The following ZSCAN18 variants were observed in gnomAD, a reference collection of about 807,000 sequenced individuals.
The protein encoded by ZSCAN18 is zinc finger and SCAN domain containing 18.
A neutral mutation model predicts 31.1 loss-of-function variants in ZSCAN18; 16 were observed. The observed-to-expected ratio is 0.51, with a 90% CI of 0.35 to 0.78. The LOEUF is 0.78. ZSCAN18 is among the 30% of genes least tolerant of loss of function. The probability of loss-of-function intolerance (pLI) is 0.01; values close to 1 mark genes in which losing one functional copy is unlikely to be tolerated. For missense variants in ZSCAN18, 731 were observed against 697.4 expected, an observed-to-expected ratio of 1.05 and a Z score of -0.54; for synonymous variants, 375 against 320.7, an observed-to-expected ratio of 1.17 and a Z score of -1.81.
intron 1 of ZSCAN18, among the ~76,000 whole-genome samples, chr19:58,094,847 C>A (rs1236088101): frequency 8.2e-6 from 1 of 121,328 alleles, no homozygotes; most frequent in African/African-American, 3.2e-5. Context: ...CACCACATTG[C>A]AGCCTGGGTA....
At chr19:58,112,396 A>G (rs542887254) in intron 1 of ZSCAN18, among the ~76,000 whole-genome samples, 4 of 151,964 alleles carry the variant, frequency 2.6e-5, no homozygotes, top group African/African-American at 9.6e-5. Context: ...CACGCCTGTA[A>G]TCTCAGCACT....
intron 1 of ZSCAN18, chr19:58,107,949 C>T: frequency 1.9e-6 from 2 of 1,071,594 alleles, no homozygotes; most frequent in South Asian, 7.4e-5. Flanking sequence ...AGTATGAGTC[C>T]TCTGGTGCCA....
intron 1 of ZSCAN18, among the ~76,000 whole-genome samples, chr19:58,113,207 T>A (rs535531261): frequency 6.6e-6 from 1 of 151,194 alleles, no homozygotes; most frequent in Non-Finnish European, 1.5e-5. Flanking sequence ...TCCCAGCTAC[T>A]CGGGAGGCTG....
At chr19:58,098,336 G>A (rs969758188), upstream of ZSCAN18, 5 of 985,500 alleles carry the variant, frequency 5.1e-6, no homozygotes, top group African/African-American at 3.5e-5. Flanking sequence ...GCCGTGACAG[G>A]TGACAGTGCG....
intron 1 of ZSCAN18, among the ~76,000 whole-genome samples, chr19:58,094,476 G>T (rs1431804060): frequency 7.2e-5 from 11 of 151,792 alleles, no homozygotes; most frequent in Non-Finnish European, 1.6e-4. Flanking sequence ...CAGATATAAA[G>T]GGCCAGACAG....
Position 58,085,078 on chromosome 19 carries a change from C to G in ZSCAN18, c.1140G>C (p.Gln380His), listed in dbSNP as rs376151965. 13 of 1,603,704 alleles carry G rather than the reference C, an allele frequency of 8.1e-6. No individual in the cohort carries two copies. The African/African-American group carries it at 1.7e-4, about 21-fold the overall frequency. Residue 380 changes from glutamine to histidine, a missense_variant, in exon 7 of 7, where the codon CAG becomes CAC. Gln to His is a conservative substitution (Grantham distance 24). Transcript: ENST00000601144. ...KRPHPEDGDG[Q>H]SLEGVSSSGD... ...CGGAGCTAGAGACGCCCTCGAGGCT[C>G]TGCCCGTCCCCATCCTCGGGGTGCG...
upstream of ZSCAN18, among the ~76,000 whole-genome samples, chr19:58,100,487 C>T (rs1334944139): frequency 6.6e-6 from 1 of 152,146 alleles, no homozygotes; most frequent in East Asian, 1.9e-4. Context: ...CTATGGGTCC[C>T]ACTGGAGTCA....
rs188420221 is a variant in ZSCAN18, at chr19:58,112,878, G to A, written c.130+5389C>T. Among the ~76,000 whole-genome samples, 279 of 133,892 alleles carry A rather than the reference G, an allele frequency of 2.1e-3. 1 individual carries two copies. Among genetic ancestry groups the A allele is most frequent in the Middle Eastern group, 0.011 (2 of 174 alleles). 87.8% of individuals were successfully genotyped at this position (133,892 alleles called of 152,430 possible). ...AAGCAGGGGAATCACTTGAACCTGG[G>A]AGGCAGAAGGTGCAGTGAACCAAAA... On this transcript the variant is annotated intron_variant, in intron 1 of 1. Coordinates refer to the ZSCAN18 transcript ENST00000595721.
At position 58,085,205 on chromosome 19, in the gene ZSCAN18, G is replaced by A. The variant is rs1165730890; in HGVS notation, c.1013C>T (p.Pro338Leu). The change falls in exon 7 of 7, where the codon CCC becomes CTC. Residue 338 changes from proline to leucine, a missense_variant. Physicochemically the swap from Pro to Leu is moderately conservative, Grantham distance 98. Coordinates refer to ENST00000601144, the MANE Select transcript of ZSCAN18 (RefSeq NM_001145543.2). Reference sequence around the variant, plus strand: ...GGCAGAGTCGGACTCCGCGTCCTGGGGGTCCTGCGGGTCCGGGGCCTTCCC... The same window carrying A: ...GGCAGAGTCGGACTCCGCGTCCTGGAGGTCCTGCGGGTCCGGGGCCTTCCC... ...QPGKAPDPQD[P>L]QDAESDSATG... 6.2e-7 allele frequency: 1 copy of A among 1,609,082 alleles called. No individual in the cohort carries two copies. Among genetic ancestry groups the A allele is most frequent in the Non-Finnish European group, 8.5e-7 (1 of 1,179,362 alleles).
rs542737669 is a variant in ZSCAN18, at chr19:58,087,130, C to A, written c.643-122G>T. The A allele has an allele frequency of 9.9e-6, 10 of 1,005,100 alleles. No individual in the cohort carries two copies. The East Asian group carries it at 2.6e-4, about 26-fold the overall frequency. The allele number at this position is 1,005,100 out of a possible 1,614,324, so 62.3% of individuals were successfully genotyped here. A position where few individuals can be genotyped will look rare whatever the true frequency, so the allele number is the denominator to read the frequency against. ...CTGGCCAGGGACTCTAACCCAGGTGCACTGCAGGAGGCAGCCCCCTTCGCA... is the reference window on the plus strand; with the variant it reads ...CTGGCCAGGGACTCTAACCCAGGTGAACTGCAGGAGGCAGCCCCCTTCGCA... On this transcript the variant is annotated intron_variant, in intron 4 of 6. Coordinates refer to ENST00000601144, the MANE Select transcript of ZSCAN18 (RefSeq NM_001145543.2).
Position 58,086,105 on chromosome 19 carries a change from G to A in ZSCAN18, c.838+69C>T. 2.1e-6 allele frequency: 3 copies of A among 1,415,600 alleles called. No individual in the cohort carries two copies. The South Asian group carries it at 3.5e-5, about 16-fold the overall frequency. The allele number at this position is 1,415,600 out of a possible 1,614,324, so 87.7% of individuals were successfully genotyped here. ...TTGCTGGGGCTGATGGCGCTGGGAG[G>A]GGCCCCCTCAGCCTCTGAAGAAAAA... On this transcript the variant is annotated intron_variant, in intron 6 of 6. Transcript: ENST00000601144.
chr19:58,096,199 C>T (rs374768368), intron 1 of ZSCAN18, among the ~76,000 whole-genome samples: 18 of 151,560 alleles, frequency 1.2e-4, no homozygotes, highest in Middle Eastern at 3.4e-3. Flanking sequence ...CCAGCCTGGG[C>T]GACAGAATGA....
intron 1 of ZSCAN18, among the ~76,000 whole-genome samples, chr19:58,113,035 G>A (rs2146029349): frequency 6.6e-6 from 1 of 151,710 alleles, no homozygotes; most frequent in African/African-American, 2.4e-5. Flanking sequence ...AGGGTCAAGG[G>A]CCAGGCGCAG....
intron 1 of ZSCAN18, among the ~76,000 whole-genome samples, chr19:58,092,200 C>G (rs1168111492): frequency 1.3e-5 from 2 of 152,116 alleles, no homozygotes; most frequent in African/African-American, 4.8e-5. Flanking sequence ...ATATTAAAAA[C>G]CAATGAACTG....
chr19:58,091,711 C>G (rs1185597382), intron 1 of ZSCAN18, among the ~76,000 whole-genome samples: 1 of 152,196 alleles, frequency 6.6e-6, no homozygotes, highest in African/African-American at 2.4e-5. Flanking sequence ...GCTCACTAAA[C>G]AGAACCCAGC....
Position 58,085,057 on chromosome 19 carries a change from G to A in ZSCAN18, c.1161C>T (p.Ser387=), listed in dbSNP as rs1046695086. The A allele has an allele frequency of 1.2e-5, 19 of 1,599,972 alleles. No individual in the cohort carries two copies. The highest frequency in any genetic ancestry group is 1.6e-5 in the Non-Finnish European group (19 of 1,172,352). The change falls in exon 7 of 7, where the codon AGC becomes AGT. Residue 387 remains serine, a synonymous_variant. Coordinates refer to ENST00000601144, the MANE Select transcript of ZSCAN18 (RefSeq NM_001145543.2). ...CCTCCAGCCCTGCGCTGTCGCCGGA[G>A]CTAGAGACGCCCTCGAGGCTCTGCC... The part of the protein sequence containing the change: ...GDGQSLEGVS[S]SGDSAGLEAG...
upstream of ZSCAN18, among the ~76,000 whole-genome samples, chr19:58,102,602 A>G (rs1417213826): frequency 1.3e-5 from 2 of 152,252 alleles, no homozygotes; most frequent in Non-Finnish European, 2.9e-5. Context: ...AAGGCAGGTA[A>G]CAATGATTAT....
chr19:58,096,067 C>T (rs1042625288), intron 1 of ZSCAN18, among the ~76,000 whole-genome samples: 13 of 152,154 alleles, frequency 8.5e-5, no homozygotes, highest in Non-Finnish European at 1.9e-4. Context: ...GTCAAGAGGA[C>T]TCTCAGAGAT....
chr19:58,087,153 G>C, intron 4 of ZSCAN18, 145 bp from the exon 5 acceptor site: 1 of 997,052 alleles, frequency 1.0e-6, no homozygotes, highest in East Asian at 2.6e-5. Flanking sequence ...AGCCCCCTTC[G>C]CACCACAAAG....
Sources: allele counts gnomAD v4.1 joint callset (sites outside exome capture counted in the v4.1 genomes callset), GRCh38; gene constraint gnomAD v4.1.1; transcripts MANE v1.5; gene names NCBI Gene and HGNC (gene_info 2026-07-23, HGNC 2026-07-21).